Variants in CSPP1 observed in about 807,000 individuals in gnomAD.
CSPP1 encodes the protein centrosome and spindle pole associated protein 1.
A neutral mutation model predicts 164.4 loss-of-function variants in CSPP1; 126 were observed. The observed-to-expected ratio is 0.77, with a 90% CI of 0.66 to 0.89. The LOEUF is 0.89. Among genes scored for constraint, CSPP1 ranks in the 40% least tolerant of loss-of-function variants. The pLI is 0.00. For missense variants in CSPP1, 1,395 were observed against 1,449.8 expected (o/e 0.96, Z 0.61); for synonymous variants, 472 against 476.7 (o/e 0.99, Z 0.13).
chr8:67,148,042 C>G (rs376486349), intron 17 of CSPP1, among the ~76,000 whole-genome samples: 2 of 150,850 alleles, frequency 1.3e-5, no homozygotes, highest in Non-Finnish European at 1.5e-5. Flanking sequence ...CCTCAGCCCC[C>G]CAAGTAGCTG....
chr8:67,073,871 A>C (rs1004185418), intron 1 of CSPP1, among the ~76,000 whole-genome samples: 1 of 152,182 alleles, frequency 6.6e-6, no homozygotes, highest in Non-Finnish European at 1.5e-5. Context: ...TGGTATTATT[A>C]CTGTAACTTC....
intron 3 of CSPP1, among the ~76,000 whole-genome samples, chr8:67,077,800 A>C (rs955110713): frequency 2.0e-5 from 3 of 152,216 alleles, no homozygotes; most frequent in African/African-American, 7.2e-5. Flanking sequence ...TTTGTGTGCC[A>C]GTGGATACAA....
chr8:67,173,944 C>T (rs1261326534), intron 25 of CSPP1: 1 of 152,142 alleles, frequency 6.6e-6, no homozygotes, highest in Non-Finnish European at 1.5e-5. Context: ...GATTTCATCT[C>T]TTTGAAGCTA....
chr8:67,183,147 A>C (rs1833465642), intron 28 of CSPP1, among the ~76,000 whole-genome samples: 1 of 152,226 alleles, frequency 6.6e-6, no homozygotes, highest in African/African-American at 2.4e-5. Flanking sequence ...AGAGTGTCAA[A>C]ATACATGTCA....
At chr8:67,145,708 A>G (rs752866288) in intron 17 of CSPP1, among the ~76,000 whole-genome samples, 16 of 151,654 alleles carry the variant, frequency 1.1e-4, no homozygotes, top group Non-Finnish European at 2.1e-4. Flanking sequence ...TTGTATTTTT[A>G]GTAGAGACGG....
chr8:67,078,530 A>G (rs1808434351), intron 3 of CSPP1, among the ~76,000 whole-genome samples: 1 of 151,724 alleles, frequency 6.6e-6, no homozygotes, highest in Admixed American at 6.6e-5. Context: ...ATATACATAT[A>G]TTTTCTGTAG....
At chr8:67,081,102 G>T (rs1354410876) in intron 3 of CSPP1, 1 of 152,132 alleles carries the variant, frequency 6.6e-6, no homozygotes, top group African/African-American at 2.4e-5. Context: ...ACTCTCTAGG[G>T]GTTCACAATG....
chr8:67,159,167 C>T, intron 21 of CSPP1, 30 bp downstream of exon 21: 1 of 1,578,074 alleles, frequency 6.3e-7, no homozygotes, highest in Non-Finnish European at 8.6e-7. Flanking sequence ...GTCAATCAAA[C>T]CCATAGTTTA....
chr8:67,164,603 A>G, intron 24 of CSPP1, 95 bp downstream of exon 24: 1 of 594,774 alleles, frequency 1.7e-6, no homozygotes, highest in Non-Finnish European at 3.0e-6. Flanking sequence ...GGACTAATTC[A>G]TCTTACTTAA....
chr8:67,187,003 ATCT>A (rs1834840912), intron 28 of CSPP1, among the ~76,000 whole-genome samples: 5 of 151,374 alleles, frequency 3.3e-5, no homozygotes, highest in African/African-American at 7.3e-5. Flanking sequence ...CTATCTATCT[ATCT>A]ATCTATCTAA....
At chr8:67,159,926 T>TTTCTTTCCTTTCC (rs1827725996) in intron 21 of CSPP1, among the ~76,000 whole-genome samples, 1 of 41,568 alleles carries the variant, frequency 2.4e-5, no homozygotes, top group Non-Finnish European at 4.6e-5. Context: ...CTTTCTTTCC[T>TTTCTTTCCTTTCC]TTCCTTCCTT....
chr8:67,195,724 T>G lies in CSPP1; in HGVS notation c.*131T>G, dbSNP rs1837809108. The G allele has an allele frequency of 1.5e-6, 1 of 667,550 alleles. No homozygotes were observed. The highest frequency in any genetic ancestry group is 2.6e-6 in the Non-Finnish European group (1 of 384,832). 41.4% of individuals were successfully genotyped at this position (667,550 alleles called of 1,614,324 possible). A position where few individuals can be genotyped will look rare whatever the true frequency, so the allele number is the denominator to read the frequency against. On this transcript the variant is annotated 3_prime_UTR_variant, in exon 31 of 31. Coordinates refer to ENST00000678616, the MANE Select transcript of CSPP1 (RefSeq NM_001382391.1). ...TTCCATCATCTGTATATAAAATTAT[T>G]TTTATCATGATGTATATTATGTACA...
intron 9 of CSPP1, among the ~76,000 whole-genome samples, chr8:67,108,629 C>G (rs1465130192): frequency 1.3e-5 from 2 of 152,106 alleles, no homozygotes; most frequent in East Asian, 3.9e-4. Flanking sequence ...GGGCATCTCT[C>G]CCTCCACACT....
intron 17 of CSPP1, among the ~76,000 whole-genome samples, chr8:67,146,037 T>C (rs1824475943): frequency 6.6e-6 from 1 of 152,146 alleles, no homozygotes; most frequent in South Asian, 2.1e-4. Flanking sequence ...GACTTAAAAA[T>C]TTTCCAAGTA....
At position 67,159,828 on chromosome 8, in the gene CSPP1, CTCTT is replaced by C. The variant is rs1268807930; in HGVS notation, c.2538+713_2538+716del. On this transcript the variant is annotated intron_variant, in intron 21 of 30. Coordinates refer to ENST00000678616, the MANE Select transcript of CSPP1 (RefSeq NM_001382391.1). Reference sequence around the variant, plus strand: ...TGAGCCACCACGCCCGGCCTTCTCTCTCTTTCTTTCTTTCTTTCTTTCTTTTTCT... The same window carrying C: ...TGAGCCACCACGCCCGGCCTTCTCTCTCTTTCTTTCTTTCTTTCTTTTTCT... Among the ~76,000 whole-genome samples the C allele has an allele frequency of 9.4e-3, 1,259 of 133,838 alleles. 88 individuals carry two copies. Among genetic ancestry groups the C allele is most frequent in the African/African-American group, 0.013 (402 of 32,098 alleles). The allele number at this position is 133,838 out of a possible 152,430, so 87.8% of individuals were successfully genotyped here.
intron 21 of CSPP1, among the ~76,000 whole-genome samples, chr8:67,159,954 CTTCTTTCTTTTCTTTTCTT>C (rs1160393743): frequency 0.012 from 366 of 31,458 alleles, 35 homozygotes; most frequent in Non-Finnish European, 0.015. Context: ...TCCTTCCTTC[CTTCTTTCTTTTCTTTTCTT>C]TTCTTTTCTT....
intron 24 of CSPP1, among the ~76,000 whole-genome samples, chr8:67,168,568 G>A (rs1282149179): frequency 1.3e-5 from 2 of 152,026 alleles, no homozygotes; most frequent in Non-Finnish European, 2.9e-5. Context: ...TGACTCTTAA[G>A]TTCTAACTTA....
chr8:67,131,801 G>T, intron 15 of CSPP1, 150 bp from the exon 16 acceptor site: 1 of 626,108 alleles, frequency 1.6e-6, no homozygotes, highest in Non-Finnish European at 2.6e-6. Flanking sequence ...TAAGGAAGGG[G>T]TCACTTAAGG....
At chr8:67,189,216 AC>A (rs1835513957) in intron 28 of CSPP1, among the ~76,000 whole-genome samples, 1 of 152,220 alleles carries the variant, frequency 6.6e-6, no homozygotes, top group African/African-American at 2.4e-5. Flanking sequence ...GCAGCTTCTT[AC>A]AAAAATAAGC....
Sources: gnomAD v4.1 joint callset for allele counts (sites outside exome capture counted in the v4.1 genomes callset) on GRCh38, gnomAD v4.1.1 for gene constraint, MANE v1.5 for transcripts, NCBI Gene and HGNC (gene_info 2026-07-23, HGNC 2026-07-21) for gene names.